The following CEP120 variants were observed in gnomAD, a reference collection of about 807,000 sequenced individuals.
CEP120 encodes the protein centrosomal protein of 120 kDa.
Under a neutral mutation model 126.5 loss-of-function variants are expected in CEP120, and 113 were observed. That is an observed-to-expected ratio of 0.89 (90% confidence interval 0.77 to 1.04). CEP120 has a LOEUF of 1.04. CEP120 is among the 50% of genes least tolerant of loss of function. The pLI is 0.00. For synonymous variants in CEP120, 400 were observed against 394.3 expected (o/e 1.01, Z -0.17); for missense variants, 1,230 against 1,155.7 (o/e 1.06, Z -0.93).
chr5:123,385,026 C>T lies in CEP120; in HGVS notation c.1688G>A (p.Arg563His), dbSNP rs374367966. 17 of 1,613,628 alleles carry T rather than the reference C, an allele frequency of 1.1e-5. No homozygotes were observed. Among genetic ancestry groups the T allele is most frequent in the African/African-American group, 1.3e-5 (1 of 74,882 alleles). ...LSNILSSEKT[R>H]FLGSNGEQCW... ...CTGTTCACCATTAGAACCTAAAAAACGAGTTTTTTCTGAAGACAAGATGTT... is the reference window on the plus strand; with the variant it reads ...CTGTTCACCATTAGAACCTAAAAAATGAGTTTTTTCTGAAGACAAGATGTT... Residue 563 changes from arginine to histidine, a missense_variant, in exon 11 of 20, where the codon CGT becomes CAT. By Grantham distance (29) the Arg-to-His change is conservative (BLOSUM62 0). Transcript: ENST00000306467.
intron 18 of CEP120, among the ~76,000 whole-genome samples, chr5:123,351,004 A>C (rs1769163989): frequency 2.0e-5 from 3 of 152,204 alleles, no homozygotes; most frequent in Admixed American, 6.5e-5. Context: ...TTTAGGACAG[A>C]ATCCCAAAGT....
At chr5:123,409,987 A>AG in intron 4 of CEP120, among the ~76,000 whole-genome samples, 1 of 95,272 alleles carries the variant, frequency 1.0e-5, no homozygotes, top group African/African-American at 3.8e-5. Context: ...AAAAAAAAAA[A>AG]AAAACCACAC....
rs201450399 is a variant in CEP120 at position 123,377,331 on chromosome 5, C to A, written c.2358+43G>T. 57 of 1,574,052 alleles carry A rather than the reference C, an allele frequency of 3.6e-5. No homozygotes were observed. The African/African-American group carries it at 6.9e-4, about 19-fold the overall frequency. ...AACTATTTCTCTTATTACTAGAATG[C>A]AAATAAACTAAGCATAAAAAGATGA... is the stretch of plus-strand genomic sequence containing the variant. On this transcript the variant is annotated intron_variant, in intron 16 of 19. Coordinates refer to ENST00000306467, the MANE Select transcript of CEP120 (RefSeq NM_001375405.1).
Position 123,382,263 on chromosome 5 carries a change from T to C in CEP120, c.2014-63A>G, listed in dbSNP as rs151169905. ...CAAATATGTCAAATAAATGAATCAG[T>C]TGTCAGTTAAATAACCGATGCTGAT... On this transcript the variant is annotated intron_variant, in intron 13 of 19. Transcript: ENST00000306467. 93 of 977,492 alleles carry C rather than the reference T, an allele frequency of 9.5e-5. 1 individual carries two copies. The Middle Eastern group carries it at 1.5e-3, about 16-fold the overall frequency. The allele number at this position is 977,492 out of a possible 1,614,324, so 60.6% of individuals were successfully genotyped here.
At chr5:123,371,147 A>G (rs1204167229) in intron 17 of CEP120, among the ~76,000 whole-genome samples, 2 of 152,076 alleles carry the variant, frequency 1.3e-5, no homozygotes, top group African/African-American at 4.8e-5. Flanking sequence ...CCAAAAATCT[A>G]AAATGTTCCA....
chr5:123,390,877 T>C lies in CEP120; in HGVS notation c.1038+233A>G, dbSNP rs117436052. 3.1e-4 allele frequency: 121 copies of C among 394,848 alleles called. No individual in the cohort carries two copies. In the East Asian group the frequency reaches 4.7e-3, roughly 15 times the overall value. 24.5% of individuals were successfully genotyped at this position (394,848 alleles called of 1,614,324 possible). On this transcript the variant is annotated intron_variant, in intron 7 of 19. Coordinates refer to ENST00000306467, the MANE Select transcript of CEP120 (RefSeq NM_001375405.1). Reference sequence around the variant, plus strand: ...GGGTGGGGGAGACCATAAGTGGGTTTCCACTACACAAAAAGACTGTCTCAA... The same window carrying C: ...GGGTGGGGGAGACCATAAGTGGGTTCCCACTACACAAAAAGACTGTCTCAA...
intron 17 of CEP120, among the ~76,000 whole-genome samples, chr5:123,369,144 A>AT (rs1770677446): frequency 1.3e-5 from 2 of 151,878 alleles, no homozygotes; most frequent in African/African-American, 4.8e-5. Flanking sequence ...TAGATGAATA[A>AT]TTTTTTTCCT....
At chr5:123,405,504 C>A (rs1773584245) in intron 4 of CEP120, among the ~76,000 whole-genome samples, 1 of 152,222 alleles carries the variant, frequency 6.6e-6, no homozygotes, top group Non-Finnish European at 1.5e-5. Context: ...CTATCAGAGC[C>A]TAACTGACCA....
chr5:123,399,801 C>A (rs1039820068), intron 4 of CEP120, among the ~76,000 whole-genome samples: 9 of 152,132 alleles, frequency 5.9e-5, no homozygotes, highest in African/African-American at 2.2e-4. Flanking sequence ...ATCATACAGT[C>A]CTTCTGTATG....
At chr5:123,365,895 C>A (rs933036053) in intron 17 of CEP120, among the ~76,000 whole-genome samples, 53 of 150,926 alleles carry the variant, frequency 3.5e-4, no homozygotes, top group Non-Finnish European at 6.2e-4. Context: ...GAGGGTTAGG[C>A]CAGAGATGAA....
intron 11 of CEP120, among the ~76,000 whole-genome samples, chr5:123,383,669 G>A (rs1023200282): frequency 1.3e-5 from 2 of 151,790 alleles, no homozygotes; most frequent in Admixed American, 6.6e-5. Context: ...TATTTTACTA[G>A]ACATAAGCAA....
At position 123,385,133 on chromosome 5, in the gene CEP120, C is replaced by T. The variant is rs1282042622; in HGVS notation, c.1581G>A (p.Arg527=). 6.2e-7 allele frequency: 1 copy of T among 1,608,652 alleles called. No homozygotes were observed. Residue 527 remains arginine (R), a splice_region_variant and synonymous_variant, in exon 11 of 20, where the codon AGG becomes AGA. Coordinates refer to ENST00000306467, the MANE Select transcript of CEP120 (RefSeq NM_001375405.1). The part of the protein sequence containing the change: ...MPHQLQDTFL[R]IPLLVELWHK... Reference sequence around the variant, plus strand: ...GCCATAGTTCAACCAGTAATGGAATCCTAAGGAAGAGAGAAACATGTGTTC... The same window carrying T: ...GCCATAGTTCAACCAGTAATGGAATTCTAAGGAAGAGAGAAACATGTGTTC...
intron 18 of CEP120, among the ~76,000 whole-genome samples, chr5:123,357,807 TGTAA>T (rs752901443): frequency 6.6e-6 from 1 of 152,068 alleles, no homozygotes; most frequent in Non-Finnish European, 1.5e-5. Context: ...GGAATGAAAA[TGTAA>T]GTAAGTCCCA....
At position 123,349,927 on chromosome 5, in the gene CEP120, A is replaced by T; in HGVS notation, c.2726+17T>A. On this transcript the variant is annotated intron_variant, in intron 19 of 19. Coordinates refer to ENST00000306467, the MANE Select transcript of CEP120 (RefSeq NM_001375405.1). Reference sequence around the variant, plus strand: ...CCAAACTTTGGCTTTTGAAAGAAACACTTTTAGTTATTATACCTGTTCAAT... The same window carrying T: ...CCAAACTTTGGCTTTTGAAAGAAACTCTTTTAGTTATTATACCTGTTCAAT... 1 of 1,604,782 alleles carries T rather than the reference A, an allele frequency of 6.2e-7. No individual in the cohort carries two copies.
chr5:123,388,973 C>T (rs17150407), intron 8 of CEP120, among the ~76,000 whole-genome samples: 2 of 151,910 alleles, frequency 1.3e-5, no homozygotes, highest in African/African-American at 2.4e-5. Flanking sequence ...AATGACATCA[C>T]CTTTTTACAG....
At chr5:123,395,708 T>G (rs6881175) in intron 5 of CEP120, among the ~76,000 whole-genome samples, 58,123 of 143,344 alleles carry the variant, frequency 0.41, 12,074 homozygotes, top group East Asian at 0.48. Flanking sequence ...TTGAGACAGA[T>G]TCTTGCACTG....
Position 123,422,950 on chromosome 5 carries a change from C to T in CEP120, c.49G>A (p.Gly17Ser). 6.2e-7 allele frequency: 1 copy of T among 1,614,100 alleles called. No individual in the cohort carries two copies. The highest frequency in any genetic ancestry group is 8.5e-7 in the Non-Finnish European group (1 of 1,179,976). ...QLLIVVSILE[G>S]RHFPKRPKHM... ...CAAAAGCAAGCCTCAGGCTGCTCAC[C>T]TTCTAGGATGGACACGACGATGAGC... Residue 17 changes from glycine (G) to serine (S), a missense_variant and splice_region_variant, in exon 1 of 20, where the codon GGT becomes AGT. Transcript: ENST00000306467.
chr5:123,417,166 T>C (rs1365984389), intron 2 of CEP120, among the ~76,000 whole-genome samples: 4 of 152,206 alleles, frequency 2.6e-5, no homozygotes, highest in Non-Finnish European at 4.4e-5. Context: ...TAACAGCTCA[T>C]AGCAGGACTC....
intron 7 of CEP120, 110 bp from the exon 8 acceptor site, chr5:123,390,250 A>C: frequency 1.2e-6 from 1 of 842,602 alleles, no homozygotes; most frequent in Non-Finnish European, 1.9e-6. Flanking sequence ...CCCAGTTTGG[A>C]TATTCCTAGT....
Sources: allele counts gnomAD v4.1 joint callset (sites outside exome capture counted in the v4.1 genomes callset), GRCh38; gene constraint gnomAD v4.1.1; transcripts MANE v1.5; gene names NCBI Gene and HGNC (gene_info 2026-07-23, HGNC 2026-07-21).